Variants in PIK3R4 observed in about 807,000 individuals in gnomAD.
The protein encoded by PIK3R4 is phosphoinositide-3-kinase regulatory subunit 4.
In PIK3R4, 46 loss-of-function variants were observed where a neutral mutation model predicts 136.5. The ratio of observed to expected loss-of-function variants is 0.34; its 90% CI spans 0.27 to 0.43. The LOEUF is 0.43. PIK3R4 is among the 20% of genes least tolerant of loss of function. The pLI, the probability that PIK3R4 is intolerant of heterozygous loss-of-function variation, is 1.00. For synonymous variants in PIK3R4, 557 were observed against 566.7 expected (o/e 0.98, Z 0.24); for missense variants, 1,331 against 1,649.5 (o/e 0.81, Z 3.35).
At chr3:130,713,211 T>A (rs942452707) in intron 9 of PIK3R4, among the ~76,000 whole-genome samples, 1 of 152,242 alleles carries the variant, frequency 6.6e-6, no homozygotes, top group African/African-American at 2.4e-5. Context: ...GTTTCTGGCC[T>A]GCTCTCCCTT....
chr3:130,687,094 A>G (rs1410120587), intron 14 of PIK3R4, among the ~76,000 whole-genome samples: 1 of 151,252 alleles, frequency 6.6e-6, no homozygotes, highest in Non-Finnish European at 1.5e-5. Context: ...TTTAGCATGA[A>G]ACATTTGCAT....
chr3:130,707,902 C>G (rs1313095565), intron 10 of PIK3R4, among the ~76,000 whole-genome samples: 1 of 152,130 alleles, frequency 6.6e-6, no homozygotes, highest in Admixed American at 6.5e-5. Flanking sequence ...CTGGGCATTA[C>G]CTACTACTAA....
chr3:130,742,563 A>G (rs1377187937), intron 2 of PIK3R4, among the ~76,000 whole-genome samples: 1 of 152,204 alleles, frequency 6.6e-6, no homozygotes, highest in African/African-American at 2.4e-5. Context: ...GGCTAACCCT[A>G]TCTTATCAAA....
chr3:130,705,545 TCA>T lies in PIK3R4; in HGVS notation c.2932+14_2932+15del, dbSNP rs781169289. 9 of 1,549,558 alleles carry T rather than the reference TCA, an allele frequency of 5.8e-6. No individual in the cohort carries two copies. In the Admixed American group the frequency reaches 1.5e-4, roughly 26 times the overall value. ...ACCTAGACTAGACTACAACTACTTA[TCA>T]ACGGAACTTTTACCAGGTGGTGGTG... On this transcript the variant is annotated intron_variant, in intron 12 of 19. Coordinates refer to ENST00000356763, the MANE Select transcript of PIK3R4 (RefSeq NM_014602.3).
chr3:130,730,797 A>G (rs2066756727), intron 4 of PIK3R4, among the ~76,000 whole-genome samples: 1 of 152,152 alleles, frequency 6.6e-6, no homozygotes, highest in Non-Finnish European at 1.5e-5. Context: ...CTAACAAAGA[A>G]ACATCCACAT....
intron 16 of PIK3R4, among the ~76,000 whole-genome samples, chr3:130,683,645 G>A (rs2108514654): frequency 6.6e-6 from 1 of 152,256 alleles, no homozygotes; most frequent in Middle Eastern, 3.4e-3. Flanking sequence ...AGAGCCTAGA[G>A]GCAAGAGGGC....
Position 130,707,004 on chromosome 3 carries a change from G to A in PIK3R4, c.2665C>T (p.Pro889Ser), listed in dbSNP as rs570946963. 6.2e-7 allele frequency: 1 copy of A among 1,612,902 alleles called. No homozygotes were observed. Among genetic ancestry groups the A allele is most frequent in the African/African-American group, 1.3e-5 (1 of 74,994 alleles). The change falls in exon 11 of 20, where the codon CCT (proline) becomes TCT (serine). Residue 889 changes from proline to serine, a missense_variant. Transcript: ENST00000356763. ...SDQEVIQTGK[P>S]PRSESSAGIC... Reference sequence around the variant, plus strand: ...CCAGCAGAGGACTCGGAACGAGGAGGTTTCCCAGTCTGAATCACCTCCTGA... The same window carrying A: ...CCAGCAGAGGACTCGGAACGAGGAGATTTCCCAGTCTGAATCACCTCCTGA...
intron 2 of PIK3R4, 105 bp from the exon 3 acceptor site, chr3:130,736,107 A>C: frequency 1.3e-6 from 1 of 752,910 alleles, no homozygotes; most frequent in Non-Finnish European, 2.0e-6. Context: ...CAAAACCCCA[A>C]AGTAAATGAA....
chr3:130,680,725 G>T lies in PIK3R4; in HGVS notation c.3798-4C>A. On this transcript the variant is annotated splice_region_variant and splice_polypyrimidine_tract_variant and intron_variant, in intron 18 of 19. Transcript: ENST00000356763. The stretch of plus-strand genomic sequence containing the variant: ...TGGGTAAGCCAAGTCCCAAAACCTA[G>T]GAAAGAGGAAATAAATGATGACAAT... 6.5e-7 allele frequency: 1 copy of T among 1,546,052 alleles called. No homozygotes were observed. Among genetic ancestry groups the T allele is most frequent in the South Asian group, 1.1e-5 (1 of 88,450 alleles).
intron 8 of PIK3R4, among the ~76,000 whole-genome samples, chr3:130,717,678 T>C (rs969599645): frequency 1.6e-4 from 24 of 152,210 alleles, no homozygotes; most frequent in Non-Finnish European, 2.9e-4. Flanking sequence ...GGAAGGCACA[T>C]TGAAATACAA....
chr3:130,688,848 C>T (rs1421154175), intron 14 of PIK3R4, among the ~76,000 whole-genome samples: 1 of 152,204 alleles, frequency 6.6e-6, no homozygotes, highest in Non-Finnish European at 1.5e-5. Flanking sequence ...GAATCACATA[C>T]ATTCCTGTTG....
rs192293301 is a variant in PIK3R4 at position 130,718,822 on chromosome 3, G to A, written c.1982-288C>T. Among the ~76,000 whole-genome samples the A allele has an allele frequency of 8.1e-4, 123 of 152,264 alleles. 4 individuals carry two copies. In the South Asian group the frequency reaches 0.021, roughly 26 times the overall value. On this transcript the variant is annotated intron_variant, in intron 7 of 19. Coordinates refer to ENST00000356763, the MANE Select transcript of PIK3R4 (RefSeq NM_014602.3). ...TTTTTTTAGTCAGAAGTAAAATTGTGTGGGCACCTACTCATTTATAACACT... is the reference window on the plus strand; with the variant it reads ...TTTTTTTAGTCAGAAGTAAAATTGTATGGGCACCTACTCATTTATAACACT...
chr3:130,701,281 GC>G (rs1208704653), intron 13 of PIK3R4, among the ~76,000 whole-genome samples: 1 of 152,134 alleles, frequency 6.6e-6, no homozygotes, highest in Non-Finnish European at 1.5e-5. Context: ...GGAGGCTGAG[GC>G]GGGCGGATCA....
chr3:130,720,506 G>T (rs180767100), intron 7 of PIK3R4, among the ~76,000 whole-genome samples: 4 of 152,162 alleles, frequency 2.6e-5, no homozygotes, highest in Admixed American at 2.6e-4. Flanking sequence ...GACAAATGTG[G>T]GGGAAAATAT....
At chr3:130,736,776 C>T (rs574606703) in intron 2 of PIK3R4, among the ~76,000 whole-genome samples, 3 of 152,054 alleles carry the variant, frequency 2.0e-5, no homozygotes, top group African/African-American at 7.2e-5. Flanking sequence ...ATGCCCTAGG[C>T]ACAAGCAGTA....
chr3:130,686,088 G>GAA (rs377696549), intron 15 of PIK3R4, 123 bp downstream of exon 15: 297 of 510,266 alleles, frequency 5.8e-4, no homozygotes, highest in Middle Eastern at 1.1e-3. Flanking sequence ...ACATGACTAT[G>GAA]AAAAAAAAAA....
intron 5 of PIK3R4, among the ~76,000 whole-genome samples, chr3:130,728,925 C>G (rs1396037439): frequency 6.6e-6 from 1 of 152,086 alleles, no homozygotes; most frequent in African/African-American, 2.4e-5. Context: ...TAGTTACTAT[C>G]TCACTAATCA....
At chr3:130,723,610 T>C (rs751451660) in intron 6 of PIK3R4, 23 bp from the exon 7 acceptor site, 3 of 1,603,132 alleles carry the variant, frequency 1.9e-6, no homozygotes, top group Non-Finnish European at 2.6e-6. Flanking sequence ...AGCAATATTA[T>C]GTGATTATTC....
chr3:130,723,067 A>C (rs1344522041), intron 7 of PIK3R4, among the ~76,000 whole-genome samples: 8 of 68,078 alleles, frequency 1.2e-4, no homozygotes, highest in African/African-American at 5.9e-4. Flanking sequence ...TGTCGCAAAA[A>C]AAAAAAAAAA....
Sources: gnomAD v4.1 joint callset for allele counts (sites outside exome capture counted in the v4.1 genomes callset) on GRCh38, gnomAD v4.1.1 for gene constraint, MANE v1.5 for transcripts, NCBI Gene and HGNC (gene_info 2026-07-23, HGNC 2026-07-21) for gene names.